Variants in TESC observed in about 807,000 individuals in gnomAD.
TESC encodes calcineurin B homologous protein 3.
A neutral mutation model predicts 31.0 loss-of-function variants in TESC; 19 were observed. That is an observed-to-expected ratio of 0.61 (90% CI 0.43 to 0.90). The LOEUF (loss-of-function observed/expected upper bound fraction) is 0.90. TESC is among the 40% of genes least tolerant of loss of function. The probability of loss-of-function intolerance (pLI) is 0.00; values close to 1 mark genes in which losing one functional copy is unlikely to be tolerated. For missense variants in TESC, 248 were observed against 303.8 expected (o/e 0.82, Z 1.36); for synonymous variants, 109 against 114.8 (o/e 0.95, Z 0.32).
Position 117,038,987 on chromosome 12 carries a change from C to G in TESC, c.*146G>C. The G allele has an allele frequency of 1.3e-6, 1 of 763,016 alleles. No individual in the cohort carries two copies. Among genetic ancestry groups the G allele is most frequent in the Admixed American group, 2.4e-5 (1 of 41,508 alleles). 47.3% of individuals were successfully genotyped at this position (763,016 alleles called of 1,614,324 possible). A position where few individuals can be genotyped will look rare whatever the true frequency, so the allele number is the denominator to read the frequency against. On this transcript the variant is annotated 3_prime_UTR_variant, in exon 8 of 8. Coordinates refer to ENST00000335209, the MANE Select transcript of TESC (RefSeq NM_017899.4). ...AAACAGCGAAGTCCCACATACCATA[C>G]CCTACAAGACACAAGGTGCGCAGAC...
chr12:117,090,241 A>G (rs1418235971), intron 1 of TESC, among the ~76,000 whole-genome samples: 4 of 152,280 alleles, frequency 2.6e-5, no homozygotes, highest in African/African-American at 4.8e-5. Context: ...TCTGCATAGA[A>G]TAATAATGAA....
chr12:117,090,445 G>T (rs959809726), intron 1 of TESC, among the ~76,000 whole-genome samples: 2 of 152,234 alleles, frequency 1.3e-5, no homozygotes, highest in East Asian at 3.8e-4. Context: ...CTCCTGAAGT[G>T]TTCCCAGTTG....
At chr12:117,054,955 C>T (rs1356818680) in intron 3 of TESC, among the ~76,000 whole-genome samples, 1 of 152,130 alleles carries the variant, frequency 6.6e-6, no homozygotes, top group Non-Finnish European at 1.5e-5. Flanking sequence ...GAGTCCCAGA[C>T]ACCTCCAGGC....
intron 3 of TESC, among the ~76,000 whole-genome samples, chr12:117,052,177 C>T (rs1954657044): frequency 6.6e-6 from 1 of 152,158 alleles, no homozygotes. Flanking sequence ...AGGCCATTTT[C>T]ACTCTTTTTG....
Position 117,085,358 on chromosome 12 carries a change from C to T in TESC, c.59-10018G>A, listed in dbSNP as rs538903828. Among the ~76,000 whole-genome samples, 9 of 152,304 alleles carry T rather than the reference C, an allele frequency of 5.9e-5. No individual in the cohort carries two copies. The South Asian group carries it at 1.9e-3, about 32-fold the overall frequency. ...GAGATCTGAAGTGCCCGGCAATAGACAGCGTGGGTGTGGATGAGACTGAGA... is the reference window on the plus strand; with the variant it reads ...GAGATCTGAAGTGCCCGGCAATAGATAGCGTGGGTGTGGATGAGACTGAGA... On this transcript the variant is annotated intron_variant, in intron 1 of 7. Transcript: ENST00000335209.
intron 2 of TESC, among the ~76,000 whole-genome samples, chr12:117,062,197 G>A (rs1433004075): frequency 6.6e-6 from 1 of 152,032 alleles, no homozygotes. Flanking sequence ...ACCCTATAAA[G>A]TAGGTACTTA....
intron 1 of TESC, among the ~76,000 whole-genome samples, chr12:117,094,071 G>A (rs1054858332): frequency 1.3e-5 from 2 of 152,114 alleles, no homozygotes; most frequent in South Asian, 2.1e-4. Flanking sequence ...GACACCACTT[G>A]GCTGCTGTCA....
At chr12:117,076,859 G>C (rs1478843795) in intron 1 of TESC, among the ~76,000 whole-genome samples, 7 of 152,198 alleles carry the variant, frequency 4.6e-5, no homozygotes, top group Non-Finnish European at 8.8e-5. Context: ...CCCAAAGCCA[G>C]CCTTCACCAA....
intron 3 of TESC, among the ~76,000 whole-genome samples, chr12:117,056,015 G>A (rs778366889): frequency 2.0e-5 from 3 of 151,388 alleles, no homozygotes; most frequent in Non-Finnish European, 1.5e-5. Context: ...CCGCCTCCCG[G>A]GTTCAAGAGA....
intron 1 of TESC, among the ~76,000 whole-genome samples, chr12:117,092,764 C>G (rs1480243537): frequency 6.6e-6 from 1 of 152,210 alleles, no homozygotes; most frequent in East Asian, 1.9e-4. Context: ...CCACTATGCT[C>G]CAGCCTGGGC....
At chr12:117,042,090 C>T (rs540390574) in intron 6 of TESC, 96 bp from the exon 7 acceptor site, 6 of 1,259,048 alleles carry the variant, frequency 4.8e-6, no homozygotes, top group South Asian at 4.0e-5. Context: ...CCCACCAATA[C>T]CCAAATGTAA....
At chr12:117,059,558 GT>G (rs1954773705) in intron 2 of TESC, among the ~76,000 whole-genome samples, 1 of 152,138 alleles carries the variant, frequency 6.6e-6, no homozygotes, top group African/African-American at 2.4e-5. Context: ...AAGGAACAAG[GT>G]TTTTTGTTTT....
At chr12:117,076,064 G>A (rs1486326286) in intron 1 of TESC, among the ~76,000 whole-genome samples, 1 of 148,164 alleles carries the variant, frequency 6.7e-6, no homozygotes, top group Non-Finnish European at 1.5e-5. Flanking sequence ...CAGTCTGCCC[G>A]CCTCGGCCTC....
intron 2 of TESC, among the ~76,000 whole-genome samples, chr12:117,060,579 G>A (rs1310841529): frequency 6.6e-6 from 1 of 152,160 alleles, no homozygotes; most frequent in Non-Finnish European, 1.5e-5. Flanking sequence ...GACAGCTACA[G>A]CTCACAACCG....
chr12:117,069,714 A>T (rs1292162742), intron 2 of TESC, among the ~76,000 whole-genome samples: 2 of 152,192 alleles, frequency 1.3e-5, no homozygotes, highest in Non-Finnish European at 2.9e-5. Context: ...TGGCTTAAAA[A>T]CAAAATCAAT....
rs779047232 is a variant in TESC at position 117,049,016 on chromosome 12, C to T, written c.349+3G>A. The T allele has an allele frequency of 9.3e-6, 15 of 1,614,162 alleles. No homozygotes were observed. In the South Asian group the frequency reaches 1.5e-4, roughly 17 times the overall value. ...GTGAGCAAGGGGACTCAGTGGCACG[C>T]ACATCTCAGCTTCTCCTTCCGGGAC... On this transcript the variant is annotated splice_donor_region_variant and intron_variant, in intron 4 of 7. Transcript: ENST00000335209.
chr12:117,084,578 G>C (rs1002773684), intron 1 of TESC, among the ~76,000 whole-genome samples: 4 of 152,238 alleles, frequency 2.6e-5, no homozygotes, highest in Non-Finnish European at 4.4e-5. Flanking sequence ...TTGCAGCCCT[G>C]CTGTGCTGAG....
chr12:117,038,923 T>G lies in TESC; in HGVS notation c.*210A>C. 3.7e-6 allele frequency: 2 copies of G among 546,612 alleles called. No individual in the cohort carries two copies. Among genetic ancestry groups the G allele is most frequent in the Non-Finnish European group, 3.2e-6 (1 of 309,142 alleles). 33.9% of individuals were successfully genotyped at this position (546,612 alleles called of 1,614,324 possible). ...ACGTGAGGAACTGACAGAGGCCACATTAATTAACAAACCTTTTTTTTTTTT... is the reference window on the plus strand; with the variant it reads ...ACGTGAGGAACTGACAGAGGCCACAGTAATTAACAAACCTTTTTTTTTTTT... On this transcript the variant is annotated 3_prime_UTR_variant, in exon 8 of 8. Coordinates refer to ENST00000335209, the MANE Select transcript of TESC (RefSeq NM_017899.4).
At chr12:117,047,854 C>T (rs2135750890) in intron 4 of TESC, among the ~76,000 whole-genome samples, 1 of 152,264 alleles carries the variant, frequency 6.6e-6, no homozygotes, top group African/African-American at 2.4e-5. Flanking sequence ...TACCCTCCCA[C>T]CCCAGTCTCC....
Sources: gnomAD v4.1 joint callset for allele counts (sites outside exome capture counted in the v4.1 genomes callset) on GRCh38, gnomAD v4.1.1 for gene constraint, MANE v1.5 for transcripts, NCBI Gene and HGNC (gene_info 2026-07-23, HGNC 2026-07-21) for gene names.